TEDC1: variants seen among roughly 807,000 people sequenced by gnomAD.
TEDC1 encodes tubulin epsilon and delta complex protein 1.
A neutral mutation model predicts 59.9 loss-of-function variants in TEDC1; 54 were observed. The observed-to-expected ratio is 0.90, with a 90% CI of 0.72 to 1.13. The LOEUF (loss-of-function observed/expected upper bound fraction) is 1.13, where lower values mean the gene tolerates loss of function less well. TEDC1 is among the 50% of genes most tolerant of loss of function. TEDC1 has a pLI of 0.00. For synonymous variants in TEDC1, 353 were observed against 298.1 expected (o/e 1.18, Z -1.90); for missense variants, 734 against 683.4 (o/e 1.07, Z -0.83).
rs782599615 is a variant in TEDC1 at position 105,492,192 on chromosome 14, G to A, written c.312G>A (p.Ser104=). The change falls in exon 3 of 9, where the codon TCG becomes TCA. Residue 104 remains serine, a synonymous_variant. Transcript: ENST00000392523. ...TGGCACAACTACCTGAGGATGGCTCGCAGGGCAGTCGGGAGCTGCTGCTGG... is the reference window on the plus strand; with the variant it reads ...TGGCACAACTACCTGAGGATGGCTCACAGGGCAGTCGGGAGCTGCTGCTGG... ...LALAQLPEDG[S]QGSRELLLAL... 18 of 1,612,814 alleles carry A rather than the reference G, an allele frequency of 1.1e-5. No individual in the cohort carries two copies. Among genetic ancestry groups the A allele is most frequent in the Middle Eastern group, 1.6e-4 (1 of 6,062 alleles).
upstream of TEDC1, chr14:105,490,033 G>A (rs1363311959): frequency 1.3e-5 from 2 of 152,284 alleles, no homozygotes; most frequent in Non-Finnish European, 2.9e-5. Flanking sequence ...CAAGAAACCC[G>A]CGTGGGCGGG....
At chr14:105,498,021 C>A in intron 8 of TEDC1, 44 bp downstream of exon 8, 1 of 1,459,806 alleles carries the variant, frequency 6.9e-7, no homozygotes, top group Non-Finnish European at 9.1e-7. Context: ...GCCCCACCTT[C>A]GGGGGATGGC....
At chr14:105,492,389 C>T in intron 3 of TEDC1, 80 bp downstream of exon 3, 1 of 1,561,970 alleles carries the variant, frequency 6.4e-7, no homozygotes, top group Non-Finnish European at 8.7e-7. Context: ...TGGGTCAGCC[C>T]CCTCTGTCTG....
Position 105,492,717 on chromosome 14 carries a change from T to A in TEDC1, c.568T>A (p.Cys190Ser). ...GCTGGTGTCCAGTCAGCAGGAGCAG[T>A]GCGCCCTCCTGAGCAAGGTAGAGCT... The part of the protein sequence containing the change: ...RQLVSSQQEQ[C>S]ALLSKIHLYT... The change falls in exon 4 of 9, where the codon TGC becomes AGC. Residue 190 changes from cysteine (C) to serine (S), a missense_variant. By Grantham distance (112) the Cys-to-Ser change is moderately radical. Coordinates refer to ENST00000392523, the MANE Select transcript of TEDC1 (RefSeq NM_001367178.1). The A allele has an allele frequency of 6.5e-7, 1 of 1,543,174 alleles. No homozygotes were observed. Among genetic ancestry groups the A allele is most frequent in the Non-Finnish European group, 8.7e-7 (1 of 1,146,846 alleles).
chr14:105,491,415 G>GC lies in TEDC1; in HGVS notation c.43dup (p.Arg15ProfsTer7). On this transcript the variant is annotated frameshift_variant, in exon 1 of 9. Transcript: ENST00000392523. LOFTEE classifies it high-confidence loss of function. ...GCAGCGGGTGGACCCCGCGGCTGGG[G>GC]CCCGGGCCGGGGCCCTGCCTGAGGC... 1 of 1,418,828 alleles carries GC rather than the reference G, an allele frequency of 7.0e-7. No individual in the cohort carries two copies. Among genetic ancestry groups the GC allele is most frequent in the Non-Finnish European group, 9.1e-7 (1 of 1,095,948 alleles). 87.9% of individuals were successfully genotyped at this position (1,418,828 alleles called of 1,614,324 possible).
At chr14:105,497,529 A>G in intron 7 of TEDC1, 86 bp downstream of exon 7, 1 of 1,467,100 alleles carries the variant, frequency 6.8e-7, no homozygotes, top group Admixed American at 2.1e-5. Context: ...TGTTTTCCAG[A>G]CAGGAAGAGG....
At position 105,496,338 on chromosome 14, in the gene TEDC1, A is replaced by G. The variant is rs112501526; in HGVS notation, c.891+252A>G. 333 of 523,414 alleles carry G rather than the reference A, an allele frequency of 6.4e-4. 3 individuals are homozygous for G. The highest frequency in any genetic ancestry group is 5.8e-3 in the African/African-American group (303 of 52,358). 32.4% of individuals were successfully genotyped at this position (523,414 alleles called of 1,614,324 possible). On this transcript the variant is annotated intron_variant, in intron 6 of 8. Coordinates refer to ENST00000392523, the MANE Select transcript of TEDC1 (RefSeq NM_001367178.1). ...TGCAGCCCCGGCACCAGCCTGCTCC[A>G]GCTCCCACACCGCCCACAGACCTCC...
Position 105,498,800 on chromosome 14 carries a change from G to C in TEDC1, c.1342G>C (p.Ala448Pro), listed in dbSNP as rs782790474. The change falls in exon 9 of 9, where the codon GCA (alanine) becomes CCA (proline). Residue 448 changes from alanine (A) to proline (P), a missense_variant. Transcript: ENST00000392523. ...DGAAGDRDLR[A>P]AVVIRTLRSQ... ...GGCAGCAGGGGACCGGGACCTGCGG[G>C]CAGCTGTGGTGATCAGGACGCTGAG... 6.3e-7 allele frequency: 1 copy of C among 1,591,128 alleles called. No homozygotes were observed.
intron 4 of TEDC1, among the ~76,000 whole-genome samples, chr14:105,493,133 C>T (rs74091205): frequency 7.9e-5 from 12 of 152,078 alleles, no homozygotes; most frequent in Middle Eastern, 6.8e-3. Context: ...GGCTGACTTG[C>T]GGGGTGGACA....
In TEDC1 at chr14:105,494,047, TG is replaced by T; in HGVS notation, c.684+117del. 3.8e-6 allele frequency: 3 copies of T among 792,736 alleles called. No homozygotes were observed. The South Asian group carries it at 5.0e-5, about 13-fold the overall frequency. The allele number at this position is 792,736 out of a possible 1,614,324, so 49.1% of individuals were successfully genotyped here. A position where few individuals can be genotyped will look rare whatever the true frequency, so the allele number is the denominator to read the frequency against. On this transcript the variant is annotated intron_variant, in intron 5 of 8. Coordinates refer to ENST00000392523, the MANE Select transcript of TEDC1 (RefSeq NM_001367178.1). ...GGGGCAGCTCTTGGGCCTCCAGCGG[TG>T]GGTGTCTCTGCATGTCTGCCACTGA...
intron 5 of TEDC1, chr14:105,495,575 G>A (rs1316832588): frequency 2.2e-5 from 7 of 321,096 alleles, no homozygotes; most frequent in South Asian, 5.3e-5. Context: ...CCGGGCTGGC[G>A]CCCACCCAGT....
At chr14:105,496,594 C>T (rs77338512) in intron 6 of TEDC1, 5,795 of 171,738 alleles carry the variant, frequency 0.034, 314 homozygotes, top group African/African-American at 0.11. Flanking sequence ...CCCCTTGCCC[C>T]GGGCCCAGGG....
chr14:105,492,300 T>C lies in TEDC1; in HGVS notation c.420T>C (p.Thr140=). 1 of 1,604,122 alleles carries C rather than the reference T, an allele frequency of 6.2e-7. No homozygotes were observed. Among genetic ancestry groups the C allele is most frequent in the Middle Eastern group, 1.9e-4 (1 of 5,140 alleles). ...GAGTGCCTCTGGGTGACGAGATGACTGTGTGCCAGGTGCGTGTGGGTGAGG... is the reference window on the plus strand; with the variant it reads ...GAGTGCCTCTGGGTGACGAGATGACCGTGTGCCAGGTGCGTGTGGGTGAGG... ...QARVPLGDEM[T]VCQCEALASP... is the part of the protein sequence containing the mutation. The change falls in exon 3 of 9, where the codon ACT becomes ACC. Residue 140 remains threonine (T), a synonymous_variant. Transcript: ENST00000392523.
At position 105,491,442 on chromosome 14, in the gene TEDC1, A is replaced by T; in HGVS notation, c.67A>T (p.Ile23Phe). ...CCGGGCCGGGGCCCTGCCTGAGGCCATCGCCGCGTTGAGTCGGTCGCTGCC... is the reference window on the plus strand; with the variant it reads ...CCGGGCCGGGGCCCTGCCTGAGGCCTTCGCCGCGTTGAGTCGGTCGCTGCC... ...GARAGALPEAIAALSRSLPSG... is the reference protein window; with the variant it reads ...GARAGALPEAFAALSRSLPSG... The change falls in exon 1 of 9, where the codon ATC becomes TTC. Residue 23 changes from isoleucine to phenylalanine, a missense_variant. Coordinates refer to ENST00000392523, the MANE Select transcript of TEDC1 (RefSeq NM_001367178.1). 6.9e-7 allele frequency: 1 copy of T among 1,451,010 alleles called. No homozygotes were observed. The highest frequency in any genetic ancestry group is 2.4e-4 in the Middle Eastern group (1 of 4,204). The allele number at this position is 1,451,010 out of a possible 1,614,324, so 89.9% of individuals were successfully genotyped here.
upstream of TEDC1, chr14:105,491,185 C>A: frequency 6.5e-7 from 1 of 1,549,070 alleles, no homozygotes; most frequent in South Asian, 1.2e-5. Context: ...GGTGATTGGG[C>A]GCAGGTCCCA....
In TEDC1 at chr14:105,498,996, G is replaced by T. The variant is rs782808993; in HGVS notation, c.*50G>T. On this transcript the variant is annotated 3_prime_UTR_variant, in exon 9 of 9. Transcript: ENST00000392523. ...GGGAAGCCTGCCCTGGCCCAGCCTGGCTGGGTCTTGGAGGAGCAGATTCCA... is the reference window on the plus strand; with the variant it reads ...GGGAAGCCTGCCCTGGCCCAGCCTGTCTGGGTCTTGGAGGAGCAGATTCCA... The T allele has an allele frequency of 1.2e-5, 19 of 1,529,024 alleles. No individual in the cohort carries two copies. The highest frequency in any genetic ancestry group is 1.6e-5 in the Non-Finnish European group (18 of 1,137,562). The allele number at this position is 1,529,024 out of a possible 1,614,324, so 94.7% of individuals were successfully genotyped here. A position where few individuals can be genotyped will look rare whatever the true frequency, so the allele number is the denominator to read the frequency against.
Position 105,497,962 on chromosome 14 carries a change from G to A in TEDC1, c.1143G>A (p.Ala381=), listed in dbSNP as rs587753011. Residue 381 remains alanine (A), a synonymous_variant, in exon 8 of 9, where the codon GCG becomes GCA. Coordinates refer to ENST00000392523, the MANE Select transcript of TEDC1 (RefSeq NM_001367178.1). ...GGGAGGCTGCGGAGCGCAGGCGGGCGGCCTGGGAGGCCAAGGTGAGTGCCA... is the reference window on the plus strand; with the variant it reads ...GGGAGGCTGCGGAGCGCAGGCGGGCAGCCTGGGAGGCCAAGGTGAGTGCCA... ...ELREAAERRR[A]AWEAKAGGCG... is the part of the protein sequence containing the mutation. 1.9e-5 allele frequency: 29 copies of A among 1,531,590 alleles called. No individual in the cohort carries two copies. The highest frequency in any genetic ancestry group is 7.4e-5 in the East Asian group (3 of 40,570). The allele number at this position is 1,531,590 out of a possible 1,614,324, so 94.9% of individuals were successfully genotyped here.
chr14:105,495,600 G>C, intron 5 of TEDC1: 3 of 393,294 alleles, frequency 7.6e-6, no homozygotes, highest in Non-Finnish European at 1.4e-5. Context: ...CTGCACTGGC[G>C]TTGGCAGTGC....
chr14:105,492,644 C>G lies in TEDC1; in HGVS notation c.495C>G (p.Val165=). 3 of 1,544,350 alleles carry G rather than the reference C, an allele frequency of 1.9e-6. No homozygotes were observed. The highest frequency in any genetic ancestry group is 2.6e-6 in the Non-Finnish European group (3 of 1,146,906). The change falls in exon 4 of 9, where the codon GTC becomes GTG. Residue 165 remains valine, a synonymous_variant. Coordinates refer to ENST00000392523, the MANE Select transcript of TEDC1 (RefSeq NM_001367178.1). ...PHMEAEGPVD[V]RHVQWLMGKL... is the part of the protein sequence containing the mutation. ...TGGAAGCAGAGGGTCCTGTGGATGT[C>G]CGCCATGTGCAGTGGCTGATGGGAA...
Sources: gnomAD v4.1 joint callset for allele counts (sites outside exome capture counted in the v4.1 genomes callset) on GRCh38, gnomAD v4.1.1 for gene constraint, MANE v1.5 for transcripts, NCBI Gene and HGNC (gene_info 2026-07-23, HGNC 2026-07-21) for gene names.